Variants in IVD observed in about 807,000 individuals in gnomAD.
IVD encodes the protein isovaleryl-CoA dehydrogenase, mitochondrial.
Under a neutral mutation model 51.3 loss-of-function variants are expected in IVD, and 31 were observed. The ratio of observed to expected loss-of-function variants is 0.60; its 90% CI spans 0.45 to 0.81. The LOEUF is 0.81. Among genes scored for constraint, IVD ranks in the 40% least tolerant of loss-of-function variants. IVD has a pLI of 0.00. For synonymous variants in IVD, 205 were observed against 219.4 expected, an observed-to-expected ratio of 0.93 and a Z score of 0.58; for missense variants, 475 against 552.0, an observed-to-expected ratio of 0.86 and a Z score of 1.40.
At chr15:40,429,368 A>C (rs1892844355), downstream of IVD, among the ~76,000 whole-genome samples, 2 of 152,242 alleles carry the variant, frequency 1.3e-5, no homozygotes, top group South Asian at 4.1e-4. Flanking sequence ...AGGGATTCAA[A>C]GACTAGTAAC....
intron 3 of IVD, among the ~76,000 whole-genome samples, chr15:40,409,835 C>CTT (rs11365500): frequency 5.8e-4 from 77 of 131,708 alleles, no homozygotes; most frequent in East Asian, 2.4e-3. Context: ...CTGCTTCTTT[C>CTT]TTTTTTTTTT....
At chr15:40,414,515 G>T in intron 7 of IVD, 1 of 305,924 alleles carries the variant, frequency 3.3e-6, no homozygotes, top group Admixed American at 3.9e-5. Context: ...GACTCCACCT[G>T]GGGGAAAGAG....
At position 40,413,148 on chromosome 15, in the gene IVD, G is replaced by C. The variant is rs1891264439; in HGVS notation, c.784+61G>C. On this transcript the variant is annotated intron_variant, in intron 7 of 11. Transcript: ENST00000487418. ...GACCCCCTTCCAGGCTGATCTGGCT[G>C]TTCTCAAGTTGAGAAAGCCTCTGGG... The C allele has an allele frequency of 5.2e-6, 7 of 1,338,144 alleles. No homozygotes were observed. In the East Asian group the frequency reaches 1.4e-4, roughly 26 times the overall value. The allele number at this position is 1,338,144 out of a possible 1,614,324, so 82.9% of individuals were successfully genotyped here.
downstream of IVD, among the ~76,000 whole-genome samples, chr15:40,422,145 C>T (rs1892346414): frequency 6.6e-6 from 1 of 152,248 alleles, no homozygotes; most frequent in African/African-American, 2.4e-5. Flanking sequence ...CGCGCGGAGC[C>T]AGCCTATATG....
rs938062574 is a variant in IVD at position 40,418,263 on chromosome 15, G to A, written c.1272G>A (p.Ter424=). The change falls in exon 12 of 12, where the codon TAG becomes TAA. Residue 424 remains the stop codon, a stop_retained_variant. Coordinates refer to ENST00000487418, the MANE Select transcript of IVD (RefSeq NM_002225.5). ...IGRAFNADFH[*] is the part of the protein sequence containing the mutation. ...GAGCCTTCAATGCAGACTTTCACTA[G>A]TCCTGAGACCCTTCGCCCCCTTTTC... The A allele has an allele frequency of 6.2e-7, 1 of 1,613,952 alleles. No individual in the cohort carries two copies. The highest frequency in any genetic ancestry group is 1.3e-5 in the African/African-American group (1 of 74,912).
At chr15:40,415,562 A>G in intron 9 of IVD, 80 bp downstream of exon 9, 1 of 1,214,510 alleles carries the variant, frequency 8.2e-7, no homozygotes, top group Non-Finnish European at 1.2e-6. Flanking sequence ...TGAGGTGGGC[A>G]CCGTGGATGG....
chr15:40,414,498 C>A, intron 7 of IVD: 1 of 293,252 alleles, frequency 3.4e-6, no homozygotes. Flanking sequence ...GACATTGGAC[C>A]AGAGCTGACT....
At chr15:40,413,315 T>C (rs1486096494) in intron 7 of IVD, 2 of 574,170 alleles carry the variant, frequency 3.5e-6, no homozygotes, top group Admixed American at 2.7e-5. Flanking sequence ...GGGTCTGTAC[T>C]CAGTAGCCGG....
Position 40,418,807 on chromosome 15 carries a change from C to T in IVD, c.*544C>T. 9.5e-7 allele frequency: 1 copy of T among 1,049,718 alleles called. No homozygotes were observed. The highest frequency in any genetic ancestry group is 1.2e-6 in the Non-Finnish European group (1 of 852,758). 65.0% of individuals were successfully genotyped at this position (1,049,718 alleles called of 1,614,324 possible). ...AGCATTTTGGATAAGGCAAATTCAACTTTCAGTCTCTTTTCTGGGGGAAAA... is the reference window on the plus strand; with the variant it reads ...AGCATTTTGGATAAGGCAAATTCAATTTTCAGTCTCTTTTCTGGGGGAAAA... On this transcript the variant is annotated 3_prime_UTR_variant, in exon 12 of 12. Coordinates refer to ENST00000487418, the MANE Select transcript of IVD (RefSeq NM_002225.5).
At chr15:40,411,754 C>T (rs372749351) in intron 6 of IVD, 63 bp downstream of exon 6, 9 of 1,564,562 alleles carry the variant, frequency 5.8e-6, no homozygotes, top group Middle Eastern at 1.9e-4. Flanking sequence ...CCAGAGATAG[C>T]CCGTTCACTG....
At chr15:40,426,832 G>A (rs1034736144), downstream of IVD, among the ~76,000 whole-genome samples, 5 of 152,160 alleles carry the variant, frequency 3.3e-5, no homozygotes, top group African/African-American at 7.2e-5. Flanking sequence ...TCTGTGCATC[G>A]CTGCTTCCCC....
Position 40,419,151 on chromosome 15 carries a change from A to T in IVD, c.*888A>T. On this transcript the variant is annotated 3_prime_UTR_variant, in exon 12 of 12. Transcript: ENST00000487418. The stretch of plus-strand genomic sequence containing the variant: ...AACTCTTCAAAAAACAAAACAAAAC[A>T]AAAAAACCCTGGCCCTTGTTTCTTC... The T allele has an allele frequency of 7.8e-7, 1 of 1,289,054 alleles. No homozygotes were observed. The highest frequency in any genetic ancestry group is 1.0e-6 in the Non-Finnish European group (1 of 988,674). 79.9% of individuals were successfully genotyped at this position (1,289,054 alleles called of 1,614,324 possible). A position where few individuals can be genotyped will look rare whatever the true frequency, so the allele number is the denominator to read the frequency against.
At chr15:40,415,518 A>G in intron 9 of IVD, 36 bp downstream of exon 9, 1 of 1,571,226 alleles carries the variant, frequency 6.4e-7, no homozygotes. Flanking sequence ...GTACTCTTCA[A>G]CTGGGCTAAA....
downstream of IVD, among the ~76,000 whole-genome samples, chr15:40,428,325 G>C: frequency 6.6e-6 from 1 of 151,992 alleles, no homozygotes; most frequent in Non-Finnish European, 1.5e-5. Flanking sequence ...TCACCACCTA[G>C]ATATTGAGAT....
chr15:40,418,320 G>T lies in IVD; in HGVS notation c.*57G>T. 6.2e-7 allele frequency: 1 copy of T among 1,609,918 alleles called. No homozygotes were observed. On this transcript the variant is annotated 3_prime_UTR_variant, in exon 12 of 12. Coordinates refer to ENST00000487418, the MANE Select transcript of IVD (RefSeq NM_002225.5). ...CTAGTGGCCTTTCTTGGGAAGTAGAGATGTGGCGGCTTTCCCACCCTGCCC... is the reference window on the plus strand; with the variant it reads ...CTAGTGGCCTTTCTTGGGAAGTAGATATGTGGCGGCTTTCCCACCCTGCCC...
chr15:40,406,054 G>A, intron 1 of IVD, 83 bp downstream of exon 1: 1 of 1,543,706 alleles, frequency 6.5e-7, no homozygotes, highest in African/African-American at 1.4e-5. Flanking sequence ...GGTCCCCATC[G>A]GCCCAGCGCC....
intron 1 of IVD, 177 bp downstream of exon 1, chr15:40,406,148 C>A (rs1326940919): frequency 4.5e-6 from 7 of 1,539,714 alleles, no homozygotes; most frequent in Non-Finnish European, 6.1e-6. Flanking sequence ...CGGGTCCAGT[C>A]CTCTGACCTC....
At chr15:40,425,482 C>T (rs1892619988), downstream of IVD, among the ~76,000 whole-genome samples, 1 of 143,700 alleles carries the variant, frequency 7.0e-6, no homozygotes, top group African/African-American at 2.8e-5. Context: ...CCATATCTTG[C>T]TTTTTGGCTC....
intron 7 of IVD, among the ~76,000 whole-genome samples, chr15:40,429,824 C>G (rs1010139579): frequency 6.6e-6 from 1 of 152,230 alleles, no homozygotes; most frequent in African/African-American, 2.4e-5. Context: ...CAGCCTCTAG[C>G]TTCTCAGGGA....
Sources: gnomAD v4.1 joint callset for allele counts (sites outside exome capture counted in the v4.1 genomes callset) on GRCh38, gnomAD v4.1.1 for gene constraint, MANE v1.5 for transcripts, NCBI Gene and HGNC (gene_info 2026-07-23, HGNC 2026-07-21) for gene names.